IGSF5: variants seen among roughly 807,000 people sequenced by gnomAD.
The protein encoded by IGSF5 is immunoglobulin superfamily 5 like.
Under a neutral mutation model 39.4 loss-of-function variants are expected in IGSF5, and 41 were observed. The observed-to-expected ratio is 1.04, with a 90% CI of 0.81 to 1.35. IGSF5 has a LOEUF of 1.35. IGSF5 is among the 40% of genes most tolerant of loss of function. The probability of loss-of-function intolerance (pLI) is 0.00; values close to 1 mark genes in which losing one functional copy is unlikely to be tolerated. For synonymous variants in IGSF5, 183 were observed against 175.3 expected, an observed-to-expected ratio of 1.04 and a Z score of -0.34; for missense variants, 487 against 494.6, an observed-to-expected ratio of 0.98 and a Z score of 0.15.
At chr21:39,749,401 C>G (rs961601892) in intron 2 of IGSF5, among the ~76,000 whole-genome samples, 1 of 152,158 alleles carries the variant, frequency 6.6e-6, no homozygotes, top group Non-Finnish European at 1.5e-5. Flanking sequence ...TTAGTAGAGA[C>G]AGAATTTCGC....
chr21:39,763,695 C>T (rs574367645), intron 2 of IGSF5, among the ~76,000 whole-genome samples: 1 of 152,286 alleles, frequency 6.6e-6, no homozygotes, highest in African/African-American at 2.4e-5. Context: ...CACACTCACC[C>T]TGCTGGGCTC....
chr21:39,740,459 G>A (rs917657753), upstream of IGSF5, among the ~76,000 whole-genome samples: 2 of 152,220 alleles, frequency 1.3e-5, no homozygotes, highest in African/African-American at 4.8e-5. Context: ...GACTAGGTAA[G>A]CATACTTAGA....
chr21:39,748,301 C>CTTTTTTTTTT (rs60669244), intron 2 of IGSF5, among the ~76,000 whole-genome samples: 3,970 of 58,226 alleles, frequency 0.068, 1,223 homozygotes, highest in Non-Finnish European at 0.1. Flanking sequence ...AAAACAAGAT[C>CTTTTTTTTTT]TTTTTTTTTT....
intron 2 of IGSF5, among the ~76,000 whole-genome samples, chr21:39,752,194 A>G (rs960170902): frequency 6.6e-6 from 1 of 152,022 alleles, no homozygotes; most frequent in African/African-American, 2.4e-5. Flanking sequence ...CCCAAAGTCC[A>G]TTGTGTCATT....
At chr21:39,747,260 T>C (rs2079980035) in intron 2 of IGSF5, among the ~76,000 whole-genome samples, 1 of 152,178 alleles carries the variant, frequency 6.6e-6, no homozygotes, top group Non-Finnish European at 1.5e-5. Flanking sequence ...GGATTTCCCC[T>C]TATAAAACCA....
chr21:39,797,286 T>G (rs1047188166), intron 8 of IGSF5, among the ~76,000 whole-genome samples: 11 of 150,452 alleles, frequency 7.3e-5, no homozygotes, highest in African/African-American at 2.4e-4. Context: ...TGGTGTGATC[T>G]TGGCTCACCG....
At chr21:39,787,148 T>A (rs974752708) in intron 5 of IGSF5, among the ~76,000 whole-genome samples, 5 of 152,166 alleles carry the variant, frequency 3.3e-5, no homozygotes, top group Non-Finnish European at 5.9e-5. Context: ...AATTGACAAA[T>A]GGGATCTAAT....
chr21:39,800,006 C>T (rs1185946906), intron 8 of IGSF5, among the ~76,000 whole-genome samples: 2 of 152,118 alleles, frequency 1.3e-5, no homozygotes, highest in East Asian at 1.9e-4. Context: ...GTTTTCTAGA[C>T]AAGAGTTTCC....
At chr21:39,711,906 A>C in the IGSF5 span, among the ~76,000 whole-genome samples, 1 of 152,092 alleles carries the variant, frequency 6.6e-6, no homozygotes, top group African/African-American at 2.4e-5. Flanking sequence ...TGCTGGTTGT[A>C]TGGCAAAAGA....
At chr21:39,763,949 G>A (rs1004395366) in intron 2 of IGSF5, among the ~76,000 whole-genome samples, 10 of 152,050 alleles carry the variant, frequency 6.6e-5, no homozygotes. Context: ...AGGTCAGGGA[G>A]AATACCTAAT....
At chr21:39,728,361 G>A in the IGSF5 span, among the ~76,000 whole-genome samples, 1 of 152,182 alleles carries the variant, frequency 6.6e-6, no homozygotes, top group Non-Finnish European at 1.5e-5. Context: ...TGGTCAGACA[G>A]AGACAGGGAT....
chr21:39,714,631 GCTGCTGGT>G, the IGSF5 span, among the ~76,000 whole-genome samples: 2 of 152,214 alleles, frequency 1.3e-5, no homozygotes, highest in South Asian at 4.1e-4. Context: ...GGTTGCTGCA[GCTGCTGGT>G]GAGCTTTGGC....
chr21:39,744,960 A>C (rs147549351), upstream of IGSF5, among the ~76,000 whole-genome samples: 1,628 of 152,382 alleles, frequency 0.011, 35 homozygotes, highest in African/African-American at 0.037. Context: ...CACTGACAAC[A>C]AAGTGGCATT....
At chr21:39,757,623 T>TCACCCAGGC (rs2080038047) in intron 2 of IGSF5, among the ~76,000 whole-genome samples, 1 of 149,142 alleles carries the variant, frequency 6.7e-6, no homozygotes, top group Admixed American at 6.7e-5. Context: ...GTCACCCAGG[T>TCACCCAGGC]TGGAGTGCAA....
the IGSF5 span, among the ~76,000 whole-genome samples, chr21:39,716,206 CT>C: frequency 3.9e-4 from 59 of 152,312 alleles, no homozygotes; most frequent in Admixed American, 3.6e-3. Context: ...CGTCCCTCCC[CT>C]AATACAAACA....
chr21:39,771,015 A>T lies in IGSF5; in HGVS notation c.518A>T (p.Asp173Val). 1 of 1,613,584 alleles carries T rather than the reference A, an allele frequency of 6.2e-7. No individual in the cohort carries two copies. The highest frequency in any genetic ancestry group is 8.5e-7 in the Non-Finnish European group (1 of 1,179,812). ...CLPSHWTRLPDISWELGLLVS... is the reference protein window; with the variant it reads ...CLPSHWTRLPVISWELGLLVS... ...CCCTCACACTGGACCCGGCTCCCGGATATTTCCTGGGAGCTCGGTCTCCTG... is the reference window on the plus strand; with the variant it reads ...CCCTCACACTGGACCCGGCTCCCGGTTATTTCCTGGGAGCTCGGTCTCCTG... Residue 173 changes from aspartate to valine, a missense_variant, in exon 4 of 9, where the codon GAT (aspartate) becomes GTT (valine). By Grantham distance (152) the Asp-to-Val change is radical (BLOSUM62 -3). Coordinates refer to ENST00000380588, the MANE Select transcript of IGSF5 (RefSeq NM_001080444.2).
At chr21:39,748,985 C>A (rs138750562) in intron 2 of IGSF5, among the ~76,000 whole-genome samples, 2 of 152,214 alleles carry the variant, frequency 1.3e-5, no homozygotes, top group African/African-American at 4.8e-5. Flanking sequence ...CTGCTATCTT[C>A]TTAGGTTCAG....
At chr21:39,757,489 A>G (rs898143983) in intron 2 of IGSF5, among the ~76,000 whole-genome samples, 1 of 151,380 alleles carries the variant, frequency 6.6e-6, no homozygotes, top group Admixed American at 6.6e-5. Context: ...CACCAGAATC[A>G]CCTGGAGGGC....
At chr21:39,739,845 C>T in the IGSF5 span, among the ~76,000 whole-genome samples, 1 of 152,212 alleles carries the variant, frequency 6.6e-6, no homozygotes, top group South Asian at 2.1e-4. Flanking sequence ...AGCTTTAATT[C>T]TGGAAGAGAC....
Sources: gnomAD v4.1 joint callset for allele counts (sites outside exome capture counted in the v4.1 genomes callset) on GRCh38, gnomAD v4.1.1 for gene constraint, MANE v1.5 for transcripts, NCBI Gene and HGNC (gene_info 2026-07-23, HGNC 2026-07-21) for gene names.